Variants in CHADL observed in about 807,000 individuals in gnomAD.
CHADL encodes the protein chondroadherin like.
In CHADL, 48 loss-of-function variants were observed where a neutral mutation model predicts 52.1. That is an observed-to-expected ratio of 0.92 (90% CI 0.73 to 1.17). The LOEUF (loss-of-function observed/expected upper bound fraction) is 1.17, where lower values mean the gene tolerates loss of function less well. Ranked by LOEUF, CHADL falls within the 50% of genes most tolerant of loss-of-function variation. The probability of loss-of-function intolerance (pLI) is 0.00; values close to 1 mark genes in which losing one functional copy is unlikely to be tolerated. For synonymous variants in CHADL, 498 were observed against 511.2 expected, an observed-to-expected ratio of 0.97 and a Z score of 0.35; for missense variants, 977 against 1,035.1, an observed-to-expected ratio of 0.94 and a Z score of 0.77.
At chr22:41,240,842 C>A (rs1471169079) in intron 1 of CHADL, 32 bp downstream of exon 1, 3 of 1,550,194 alleles carry the variant, frequency 1.9e-6, no homozygotes, top group Non-Finnish European at 2.6e-6. Flanking sequence ...TGCTCTGAAT[C>A]CCCCCTTGCA....
At chr22:41,234,941 G>A (rs916923634) in intron 5 of CHADL, among the ~76,000 whole-genome samples, 1 of 152,044 alleles carries the variant, frequency 6.6e-6, no homozygotes, top group Admixed American at 6.5e-5. Flanking sequence ...CGCCCACCTC[G>A]GCCTCCTGAA....
At chr22:41,231,350 G>C (rs1275716335) in intron 5 of CHADL, 1 of 152,222 alleles carries the variant, frequency 6.6e-6, no homozygotes, top group Non-Finnish European at 1.5e-5. Flanking sequence ...GATCATGAAG[G>C]CCACGTGAGT....
chr22:41,229,806 G>T, intron 5 of CHADL, 76 bp from the exon 6 acceptor site: 1 of 1,356,044 alleles, frequency 7.4e-7, no homozygotes, highest in South Asian at 1.2e-5. Context: ...CTGGACCCAG[G>T]GTGTTTCCCA....
At chr22:41,230,107 C>A (rs200068641) in intron 5 of CHADL, 23 of 417,208 alleles carry the variant, frequency 5.5e-5, no homozygotes, top group Non-Finnish European at 6.0e-5. Flanking sequence ...GTTATTTACT[C>A]GCCCACCCAC....
chr22:41,238,715 G>A lies in CHADL; in HGVS notation c.357C>T (p.Ser119=), dbSNP rs1422219185. The change falls in exon 3 of 6, where the codon TCC becomes TCT. Residue 119 remains serine (S), a synonymous_variant. Coordinates refer to ENST00000216241, the MANE Select transcript of CHADL (RefSeq NM_138481.2). The surrounding 1 kb of genome is among the most constrained non-coding windows in gnomAD (Gnocchi z 4.9). ...CCTGGGGCAGCTCACGCAGGTGGTT[G>A]GAGGCCAGGTTGAGCAGGAGCAGGC... ...LGRLLLLNLA[S]NHLRELPQEA... is the part of the protein sequence containing the mutation. The A allele has an allele frequency of 1.1e-5, 17 of 1,547,982 alleles. No homozygotes were observed. In the South Asian group the frequency reaches 2.0e-4, roughly 18 times the overall value.
chr22:41,230,225 A>G, intron 5 of CHADL: 3 of 1,613,760 alleles, frequency 1.9e-6, no homozygotes, highest in Non-Finnish European at 2.5e-6. Flanking sequence ...CTCCGTCGAG[A>G]ACATCAAGCA....
chr22:41,238,156 G>T lies in CHADL; in HGVS notation c.916C>A (p.Arg306=), dbSNP rs965703892. The T allele has an allele frequency of 1.0e-5, 15 of 1,454,048 alleles. No homozygotes were observed. The highest frequency in any genetic ancestry group is 1.4e-5 in the Non-Finnish European group (15 of 1,110,716). 90.1% of individuals were successfully genotyped at this position (1,454,048 alleles called of 1,614,324 possible). The change falls in exon 3 of 6, where the codon CGG becomes AGG. Residue 306 remains arginine, a synonymous_variant. Transcript: ENST00000216241. The surrounding 1 kb of genome is among the most constrained non-coding windows in gnomAD (Gnocchi z 4.9). ...LQGPGQLRRL[R]LQGNPLWCGC... ...CACCACAGCGGATTCCCCTGCAGCCGCAGCCGGCGCAGCTGGCCCGGGCCC... is the reference window on the plus strand; with the variant it reads ...CACCACAGCGGATTCCCCTGCAGCCTCAGCCGGCGCAGCTGGCCCGGGCCC...
At chr22:41,233,667 C>T (rs570279893) in intron 5 of CHADL, among the ~76,000 whole-genome samples, 5 of 152,274 alleles carry the variant, frequency 3.3e-5, no homozygotes, top group South Asian at 4.1e-4. Context: ...CCAGAGAGCA[C>T]GCCCCTGCCA....
Position 41,238,224 on chromosome 22 carries a change from A to T in CHADL, c.848T>A (p.Leu283His). The T allele has an allele frequency of 6.5e-7, 1 of 1,527,260 alleles. No homozygotes were observed. Among genetic ancestry groups the T allele is most frequent in the Non-Finnish European group, 8.7e-7 (1 of 1,144,114 alleles). The allele number at this position is 1,527,260 out of a possible 1,614,324, so 94.6% of individuals were successfully genotyped here. ...AFAHCPRLHT[L>H]DLRGNQLDTL... ...GTCTAGCTGGTTCCCGCGGAGGTCG[A>T]GGGTGTGCAGGCGCGGACAGTGTGC... Residue 283 changes from leucine to histidine, a missense_variant, in exon 3 of 6, where the codon CTC becomes CAC. By Grantham distance (99) the Leu-to-His change is moderately conservative. Transcript: ENST00000216241. This position sits in a 1 kb window ranked among gnomAD's most constrained non-coding sequence, Gnocchi z 4.9.
Position 41,229,637 on chromosome 22 carries a change from G to A in CHADL, c.*67C>T, listed in dbSNP as rs1346954771. 6 of 1,613,690 alleles carry A rather than the reference G, an allele frequency of 3.7e-6. No individual in the cohort carries two copies. The highest frequency in any genetic ancestry group is 5.1e-6 in the Non-Finnish European group (6 of 1,180,010). ...CTCAGGGTGCCAGGAAGATCTCGTC[G>A]GAGCCTGTTCCTGGCGAGAGTAAGA... On this transcript the variant is annotated 3_prime_UTR_variant, in exon 6 of 6. Coordinates refer to ENST00000216241, the MANE Select transcript of CHADL (RefSeq NM_138481.2).
chr22:41,230,233 G>C, intron 5 of CHADL: 3 of 1,613,030 alleles, frequency 1.9e-6, no homozygotes, highest in Non-Finnish European at 2.5e-6. Context: ...AGAACATCAA[G>C]CAGGAAACAG....
intron 5 of CHADL, among the ~76,000 whole-genome samples, chr22:41,233,472 A>AG (rs1039345478): frequency 8.0e-4 from 121 of 152,198 alleles, no homozygotes; most frequent in African/African-American, 2.9e-3. Flanking sequence ...CAGAAAAAAA[A>AG]AGGGGGGGTG....
Position 41,229,733 on chromosome 22 carries a change from G to A in CHADL, c.2263-3C>T. The stretch of plus-strand genomic sequence containing the variant: ...AGACGACCCTTCTCCTTCCCCACCT[G>A]GGCACAGAAGAGTAGAGTCAGGTTT... On this transcript the variant is annotated splice_region_variant and splice_polypyrimidine_tract_variant and intron_variant, in intron 5 of 5. Coordinates refer to ENST00000216241, the MANE Select transcript of CHADL (RefSeq NM_138481.2). The A allele has an allele frequency of 6.2e-7, 1 of 1,610,576 alleles. No individual in the cohort carries two copies.
rs773874331 is a variant in CHADL at position 41,237,682 on chromosome 22, G to C, written c.1390C>G (p.Leu464Val). The change falls in exon 3 of 6, where the codon CTG becomes GTG. Residue 464 changes from leucine to valine, a missense_variant. By Grantham distance (32) the Leu-to-Val change is conservative (BLOSUM62 1). Transcript: ENST00000216241. ...LHLQHCGIAE[L>V]EAGALAGLGR... ...AGCCCGGCCAGGGCGCCCGCTTCCA[G>C]CTCCGCGATGCCGCAGTGCTGCAGG... 6.5e-7 allele frequency: 1 copy of C among 1,542,614 alleles called. No individual in the cohort carries two copies. The highest frequency in any genetic ancestry group is 1.2e-5 in the South Asian group (1 of 83,676).
intron 5 of CHADL, among the ~76,000 whole-genome samples, chr22:41,233,596 C>T (rs1051392412): frequency 6.6e-6 from 1 of 152,160 alleles, no homozygotes; most frequent in East Asian, 1.9e-4. Flanking sequence ...CTGGGGCCAC[C>T]AGAAGCTGGA....
Position 41,236,549 on chromosome 22 carries a change from C to A in CHADL, c.1998G>T (p.Gln666His). 2 of 1,551,496 alleles carry A rather than the reference C, an allele frequency of 1.3e-6. No homozygotes were observed. The highest frequency in any genetic ancestry group is 1.7e-6 in the Non-Finnish European group (2 of 1,146,962). The part of the protein sequence containing the change: ...RALPALPSLS[Q>H]LELIDLSSNP... ...TGCTGCTGAGGTCGATGAGCTCCAG[C>A]TGGCTGAGACTGGGCAGGGCAGGCA... The change falls in exon 4 of 6, where the codon CAG (glutamine) becomes CAT (histidine). Residue 666 changes from glutamine (Q) to histidine (H), a missense_variant. Coordinates refer to ENST00000216241, the MANE Select transcript of CHADL (RefSeq NM_138481.2).
rs1182622758 is a variant in CHADL at position 41,238,859 on chromosome 22, G to C, written c.213C>G (p.Gly71=). 6.5e-7 allele frequency: 1 copy of C among 1,541,396 alleles called. No individual in the cohort carries two copies. Among genetic ancestry groups the C allele is most frequent in the Non-Finnish European group, 8.8e-7 (1 of 1,140,102 alleles). The change falls in exon 3 of 6, where the codon GGC becomes GGG. Residue 71 remains glycine (G), a synonymous_variant. Coordinates refer to ENST00000216241, the MANE Select transcript of CHADL (RefSeq NM_138481.2). The surrounding 1 kb of genome is among the most constrained non-coding windows in gnomAD (Gnocchi z 4.9). ...CTGCGGGGATCACCTTCAGCAAATT[G>C]CCCTGCAGGTCCAGCCGCTGGGTCA... ...PELTQRLDLQ[G]NLLKVIPAAA...
intron 5 of CHADL, among the ~76,000 whole-genome samples, chr22:41,233,126 C>T (rs1327846942): frequency 2.0e-5 from 3 of 152,014 alleles, no homozygotes; most frequent in African/African-American, 7.3e-5. Flanking sequence ...AAATGACATC[C>T]TTAGGTTGGG....
In CHADL at chr22:41,237,510, G is replaced by T. The variant is rs1042915634; in HGVS notation, c.1562C>A (p.Pro521His). ...CTGCAGGTGCAGGGAGAAGAGGCTGGGCAGGGCGCGCAGGGCAGCCCCTGG... is the reference window on the plus strand; with the variant it reads ...CTGCAGGTGCAGGGAGAAGAGGCTGTGCAGGGCGCGCAGGGCAGCCCCTGG... ...QVPGAALRAL[P>H]SLFSLHLQDN... Residue 521 changes from proline to histidine, a missense_variant, in exon 3 of 6, where the codon CCC becomes CAC. Physicochemically the swap from Pro to His is moderately conservative, Grantham distance 77. Transcript: ENST00000216241. 1 of 1,550,374 alleles carries T rather than the reference G, an allele frequency of 6.5e-7. No homozygotes were observed. The highest frequency in any genetic ancestry group is 1.4e-5 in the African/African-American group (1 of 73,056).
Sources: gnomAD v4.1 joint callset for allele counts (sites outside exome capture counted in the v4.1 genomes callset) on GRCh38, gnomAD v4.1.1 for gene constraint, Gnocchi (gnomAD v3.1) non-coding constraint, MANE v1.5 for transcripts, NCBI Gene and HGNC (gene_info 2026-07-23, HGNC 2026-07-21) for gene names.